The following FSHR variants were observed in gnomAD, a reference collection of about 807,000 sequenced individuals.
FSHR encodes the protein follicle-stimulating hormone receptor.
FSHR carries 46 observed loss-of-function variants against 52.1 expected under a neutral mutation model. The observed-to-expected ratio is 0.88, with a 90% CI of 0.70 to 1.13. The LOEUF (loss-of-function observed/expected upper bound fraction) is 1.13, where lower values mean the gene tolerates loss of function less well. FSHR is among the 50% of genes most tolerant of loss of function. The pLI, the probability that FSHR is intolerant of heterozygous loss-of-function variation, is 0.00. For synonymous variants in FSHR, 399 were observed against 309.6 expected, an observed-to-expected ratio of 1.29 and a Z score of -3.03; for missense variants, 964 against 834.6, an observed-to-expected ratio of 1.16 and a Z score of -1.91.
intron 1 of FSHR, among the ~76,000 whole-genome samples, chr2:49,105,201 C>A (rs1671179435): frequency 6.6e-6 from 1 of 152,098 alleles, no homozygotes; most frequent in African/African-American, 2.4e-5. Context: ...ATATTAGGAA[C>A]AGCCTTGAAA....
chr2:49,070,201 T>C (rs1322220210), intron 1 of FSHR, among the ~76,000 whole-genome samples: 1 of 152,154 alleles, frequency 6.6e-6, no homozygotes, highest in Non-Finnish European at 1.5e-5. Context: ...ATGAGAAAGA[T>C]TCCAAAATAC....
In FSHR at chr2:48,982,944, A is replaced by G. The variant is rs1239486057; in HGVS notation, c.636T>C (p.Asp212=). 6 of 1,614,046 alleles carry G rather than the reference A, an allele frequency of 3.7e-6. No homozygotes were observed. Among genetic ancestry groups the G allele is most frequent in the Non-Finnish European group, 5.1e-6 (6 of 1,180,000 alleles). ...CTGGTCCAGAGGCTCCGTGGAAAAC[A>G]TCATTAGGCAATTCTTCTAAATTAT... The part of the protein sequence containing the change: ...DNNNLEELPN[D]VFHGASGPVI... Residue 212 remains aspartate, a synonymous_variant, in exon 8 of 10, where the codon GAT becomes GAC. Transcript: ENST00000406846.
chr2:49,010,676 T>C (rs1433142366), intron 4 of FSHR, among the ~76,000 whole-genome samples: 1 of 151,824 alleles, frequency 6.6e-6, no homozygotes, highest in African/African-American at 2.4e-5. Flanking sequence ...TTTTGGTTGG[T>C]AAGCTATTGA....
At chr2:49,102,846 C>CACCTAA (rs71401010) in intron 1 of FSHR, among the ~76,000 whole-genome samples, 70,137 of 151,040 alleles carry the variant, frequency 0.46, 16,471 homozygotes, top group African/African-American at 0.54. Context: ...GGATTTCTGC[C>CACCTAA]ACGGTTTGTT....
At chr2:49,049,378 GT>G in intron 2 of FSHR, among the ~76,000 whole-genome samples, 1 of 152,228 alleles carries the variant, frequency 6.6e-6, no homozygotes, top group East Asian at 1.9e-4. Flanking sequence ...AGAAGATTGC[GT>G]TTGATAGCAA....
chr2:49,084,549 T>A (rs568959305), intron 1 of FSHR, among the ~76,000 whole-genome samples: 75 of 152,138 alleles, frequency 4.9e-4, no homozygotes, highest in Non-Finnish European at 6.9e-4. Context: ...AATTAATGAA[T>A]CCAGGAGCTG....
At chr2:49,118,790 C>G (rs188515028) in intron 1 of FSHR, among the ~76,000 whole-genome samples, 2 of 152,278 alleles carry the variant, frequency 1.3e-5, no homozygotes, top group East Asian at 3.9e-4. Context: ...GTGGGTGGCA[C>G]CACAGTTCCA....
At chr2:49,033,040 C>T (rs1161161474) in intron 2 of FSHR, among the ~76,000 whole-genome samples, 1 of 152,122 alleles carries the variant, frequency 6.6e-6, no homozygotes, top group East Asian at 1.9e-4. Context: ...TTATGTTTTC[C>T]TCTGTCACCA....
At chr2:48,984,918 G>A (rs2104075472) in intron 6 of FSHR, among the ~76,000 whole-genome samples, 1 of 152,226 alleles carries the variant, frequency 6.6e-6, no homozygotes, top group Admixed American at 6.5e-5. Flanking sequence ...ACCATTATAT[G>A]GGGAGGAGGA....
At chr2:49,131,983 T>C (rs1015831065) in intron 1 of FSHR, among the ~76,000 whole-genome samples, 1 of 152,218 alleles carries the variant, frequency 6.6e-6, no homozygotes, top group African/African-American at 2.4e-5. Context: ...CCTATCCTTA[T>C]GTTATCACGT....
intron 2 of FSHR, among the ~76,000 whole-genome samples, chr2:49,034,321 C>G (rs557481698): frequency 1.3e-5 from 2 of 152,324 alleles, no homozygotes; most frequent in Non-Finnish European, 2.9e-5. Flanking sequence ...CCTGACCCCC[C>G]TTCCGAGGTC....
chr2:49,093,595 C>CCTTTTTTTTTTTTTTTTTTTTTTTTG (rs1553344384), intron 1 of FSHR, among the ~76,000 whole-genome samples: 1 of 132,944 alleles, frequency 7.5e-6, no homozygotes. Flanking sequence ...TTATATTTAT[C>CCTTTTTTTTTTTTTTTTTTTTTTTTG]TTTTTTTTTT....
chr2:49,006,493 A>G (rs1667081118), intron 4 of FSHR, among the ~76,000 whole-genome samples: 2 of 152,032 alleles, frequency 1.3e-5, no homozygotes, highest in African/African-American at 4.8e-5. Context: ...TACATCCTTT[A>G]TCATTTCCGT....
At chr2:49,090,760 A>G (rs929060715) in intron 1 of FSHR, among the ~76,000 whole-genome samples, 6 of 152,184 alleles carry the variant, frequency 3.9e-5, no homozygotes, top group Non-Finnish European at 8.8e-5. Flanking sequence ...GGTGCTCTAC[A>G]TCCTTGTCAG....
intron 1 of FSHR, among the ~76,000 whole-genome samples, chr2:49,141,982 C>A (rs115561169): frequency 6.6e-6 from 1 of 152,148 alleles, no homozygotes; most frequent in African/African-American, 2.4e-5. Flanking sequence ...AGCTACAGTG[C>A]AAAATTGTTG....
chr2:49,100,153 G>T (rs1350444424), intron 1 of FSHR, among the ~76,000 whole-genome samples: 1 of 152,072 alleles, frequency 6.6e-6, no homozygotes, highest in African/African-American at 2.4e-5. Flanking sequence ...TAGATGAGGA[G>T]GCCTAAGCAC....
At position 48,963,945 on chromosome 2, in the gene FSHR, G is replaced by A; in HGVS notation, c.876C>T (p.Cys292=). 6.2e-7 allele frequency: 1 copy of A among 1,613,412 alleles called. No individual in the cohort carries two copies. Among genetic ancestry groups the A allele is most frequent in the Non-Finnish European group, 8.5e-7 (1 of 1,179,926 alleles). The change falls in exon 10 of 10, where the codon TGC becomes TGT. Residue 292 remains cysteine, a synonymous_variant. Transcript: ENST00000406846. ...CTTCTTGCCTTAAAATAGATTTGTTGCAAATTGGATGAAGCTCAGAGCTAG... is the reference window on the plus strand; with the variant it reads ...CTTCTTGCCTTAAAATAGATTTGTTACAAATTGGATGAAGCTCAGAGCTAG... ...RRQISELHPI[C]NKSILRQEVD... is the part of the protein sequence containing the mutation.
At chr2:49,068,435 T>C (rs752637523) in intron 1 of FSHR, 145 bp from the exon 2 acceptor site, 46 of 712,372 alleles carry the variant, frequency 6.5e-5, no homozygotes, top group Non-Finnish European at 1.1e-4. Flanking sequence ...TTCTCTCTTT[T>C]CATCCTGTCT....
At chr2:49,040,102 A>G (rs991820109) in intron 2 of FSHR, among the ~76,000 whole-genome samples, 18 of 152,238 alleles carry the variant, frequency 1.2e-4, no homozygotes, top group Non-Finnish European at 1.5e-5. Flanking sequence ...GTGAATACAT[A>G]GAGGTGTTCT....
Sources: gnomAD v4.1 joint callset for allele counts (sites outside exome capture counted in the v4.1 genomes callset) on GRCh38, gnomAD v4.1.1 for gene constraint, MANE v1.5 for transcripts, NCBI Gene and HGNC (gene_info 2026-07-23, HGNC 2026-07-21) for gene names.